The following GARIN1A variants were observed in gnomAD, a reference collection of about 807,000 sequenced individuals.
GARIN1A encodes the protein golgi associated RAB2 interactor 1A, also known as Golgi-associated RAB2 interactor protein 1A.
the GARIN1A span, among the ~76,000 whole-genome samples, chr7:128,692,526 T>C: frequency 6.6e-6 from 1 of 152,174 alleles, no homozygotes; most frequent in Non-Finnish European, 1.5e-5. Context: ...CCGGAGTTAA[T>C]TATGCTCCAC....
chr7:128,692,504 A>G, the GARIN1A span, among the ~76,000 whole-genome samples: 1 of 152,218 alleles, frequency 6.6e-6, no homozygotes, highest in Non-Finnish European at 1.5e-5. Context: ...AAAAGAAACA[A>G]AACATTGTTA....
chr7:128,673,205 G>T, the GARIN1A span, among the ~76,000 whole-genome samples: 8 of 152,342 alleles, frequency 5.3e-5, no homozygotes, highest in East Asian at 1.5e-3. Context: ...TCTACTGAGT[G>T]CAGGGCAGGA....
chr7:128,685,749 G>C, the GARIN1A span: 4 of 152,170 alleles, frequency 2.6e-5, no homozygotes, highest in Admixed American at 2.6e-4. Context: ...TGTTGTCCTG[G>C]TATCATTATT....
chr7:128,686,955 C>A, the GARIN1A span: 1 of 152,194 alleles, frequency 6.6e-6, no homozygotes, highest in African/African-American at 2.4e-5. Context: ...TAGACCCCTG[C>A]CTCTCTCTCC....
the GARIN1A span, chr7:128,677,892 G>GAC: frequency 1.6e-6 from 2 of 1,220,614 alleles, no homozygotes; most frequent in Non-Finnish European, 2.2e-6. Flanking sequence ...TATATATATA[G>GAC]ACTTGTTTCC....
At chr7:128,690,119 G>A in the GARIN1A span, among the ~76,000 whole-genome samples, 1 of 152,186 alleles carries the variant, frequency 6.6e-6, no homozygotes, top group African/African-American at 2.4e-5. Flanking sequence ...CCAACCCCAT[G>A]CTCTCTGAAA....
At chr7:128,695,003 T>C in the GARIN1A span, among the ~76,000 whole-genome samples, 2 of 152,236 alleles carry the variant, frequency 1.3e-5, no homozygotes, top group East Asian at 3.8e-4. This position sits in a 1 kb window ranked among gnomAD's most constrained non-coding sequence, Gnocchi z 4.5. Context: ...CTTCTTGCTT[T>C]AAGGTCTATA....
chr7:128,697,373 T>C, the GARIN1A span: 3 of 152,422 alleles, frequency 2.0e-5, no homozygotes, highest in Non-Finnish European at 2.9e-5. Flanking sequence ...CACCCGGCCA[T>C]GTAAGCAGAG....
the GARIN1A span, among the ~76,000 whole-genome samples, chr7:128,674,371 G>A: frequency 2.6e-5 from 4 of 152,204 alleles, no homozygotes; most frequent in Middle Eastern, 3.4e-3. Context: ...GTGATACTCC[G>A]GCTTTGGACT....
the GARIN1A span, chr7:128,683,336 G>A: frequency 2.0e-6 from 1 of 510,752 alleles, no homozygotes; most frequent in Non-Finnish European, 3.4e-6. Flanking sequence ...TGCAGGTTGG[G>A]CTATAGGGAG....
chr7:128,678,377 C>A, the GARIN1A span, among the ~76,000 whole-genome samples: 1 of 152,134 alleles, frequency 6.6e-6, no homozygotes, highest in Non-Finnish European at 1.5e-5. Context: ...GTATGATCTA[C>A]ATTTCTGATT....
chr7:128,695,167 C>T, the GARIN1A span, among the ~76,000 whole-genome samples: 2 of 152,188 alleles, frequency 1.3e-5, no homozygotes, highest in East Asian at 3.8e-4. The surrounding 1 kb of genome is among the most constrained non-coding windows in gnomAD (Gnocchi z 4.5). Flanking sequence ...TCTCTAAGCT[C>T]CTGCTCCCAT....
the GARIN1A span, chr7:128,683,465 T>TTTATTTATTTAC: frequency 6.6e-6 from 1 of 151,032 alleles, no homozygotes; most frequent in Non-Finnish European, 1.5e-5. Context: ...TATTTATTTA[T>TTTATTTATTTAC]TTATTTATTT....
chr7:128,696,689 T>C, the GARIN1A span, among the ~76,000 whole-genome samples: 6,509 of 152,108 alleles, frequency 0.043, 461 homozygotes, highest in African/African-American at 0.15. Context: ...GGATTCTAGG[T>C]CAATGAGTCC....
At chr7:128,691,781 A>T in the GARIN1A span, 2 of 152,278 alleles carry the variant, frequency 1.3e-5, no homozygotes. Flanking sequence ...CTGGATCGGG[A>T]CCCCTTTCCG....
At chr7:128,677,901 C>A in the GARIN1A span, 2 of 1,147,368 alleles carry the variant, frequency 1.7e-6, no homozygotes, top group South Asian at 1.8e-5. Flanking sequence ...AGACTTGTTT[C>A]CATGTCTTTT....
chr7:128,678,011 G>GTTTT, the GARIN1A span: 2 of 165,060 alleles, frequency 1.2e-5, no homozygotes, highest in Non-Finnish European at 1.1e-5. Flanking sequence ...ATTTAGAAAT[G>GTTTT]TTTCTTTTTT....
At chr7:128,706,745 A>T in the GARIN1A span, among the ~76,000 whole-genome samples, 1 of 152,142 alleles carries the variant, frequency 6.6e-6, no homozygotes, top group Non-Finnish European at 1.5e-5. Flanking sequence ...GTCTTTGAGA[A>T]GTTCTCTGAT....
the GARIN1A span, chr7:128,683,068 G>A: frequency 6.2e-7 from 1 of 1,612,030 alleles, no homozygotes; most frequent in Non-Finnish European, 8.5e-7. Flanking sequence ...GCTGCCTTGA[G>A]CCACAGCCTC....
Sources: gnomAD v4.1 joint callset for allele counts (sites outside exome capture counted in the v4.1 genomes callset) on GRCh38, gnomAD v4.1.1 for gene constraint, Gnocchi (gnomAD v3.1) non-coding constraint, MANE v1.5 for transcripts, NCBI Gene and HGNC (gene_info 2026-07-23, HGNC 2026-07-21) for gene names.